Variants in SND1 observed in about 807,000 individuals in gnomAD.
SND1 encodes staphylococcal nuclease and tudor domain containing 1, also known as staphylococcal nuclease domain-containing protein 1.
SND1 carries 38 observed loss-of-function variants against 121.7 expected under a neutral mutation model. The ratio of observed to expected loss-of-function variants is 0.31; its 90% CI spans 0.24 to 0.41. SND1 has a LOEUF of 0.41. Ranked by LOEUF, SND1 falls within the 10% of genes least tolerant of loss-of-function variation. SND1 has a pLI of 1.00. For synonymous variants in SND1, 401 were observed against 447.4 expected, an observed-to-expected ratio of 0.90 and a Z score of 1.31; for missense variants, 868 against 1,184.6, an observed-to-expected ratio of 0.73 and a Z score of 3.92.
At chr7:127,680,591 G>A (rs186154656) in intron 1 of SND1, among the ~76,000 whole-genome samples, 12 of 151,864 alleles carry the variant, frequency 7.9e-5, no homozygotes, top group Admixed American at 5.3e-4. Flanking sequence ...GCTCTGTTCC[G>A]CCCGGCTCAC....
intron 12 of SND1, among the ~76,000 whole-genome samples, chr7:127,874,463 A>G (rs1799655055): frequency 1.3e-5 from 2 of 152,108 alleles, no homozygotes; most frequent in Admixed American, 1.3e-4. Flanking sequence ...ACAGTGGTGG[A>G]GTAGAGAAAA....
chr7:127,976,921 A>C (rs943056884), intron 15 of SND1, among the ~76,000 whole-genome samples: 1 of 152,260 alleles, frequency 6.6e-6, no homozygotes, highest in East Asian at 1.9e-4. Context: ...CCTCCCCTAC[A>C]TGGTGTCTTG....
At chr7:128,063,203 G>A (rs768163794) in intron 16 of SND1, among the ~76,000 whole-genome samples, 6 of 152,192 alleles carry the variant, frequency 3.9e-5, no homozygotes, top group Admixed American at 6.5e-5. Context: ...GGGTGGTGAG[G>A]AGGTGGTGGA....
chr7:127,878,145 C>T (rs889306424), intron 12 of SND1, among the ~76,000 whole-genome samples: 1 of 152,004 alleles, frequency 6.6e-6, no homozygotes, highest in Non-Finnish European at 1.5e-5. Flanking sequence ...GTTTTCTTTC[C>T]ACTTCCTCCT....
chr7:127,876,833 T>C (rs2116709516), intron 12 of SND1, among the ~76,000 whole-genome samples: 1 of 152,262 alleles, frequency 6.6e-6, no homozygotes, highest in South Asian at 2.1e-4. Flanking sequence ...TTGGGGACAT[T>C]ACCGCATGTT....
At chr7:127,854,443 C>G (rs1309219973) in intron 12 of SND1, among the ~76,000 whole-genome samples, 1 of 151,774 alleles carries the variant, frequency 6.6e-6, no homozygotes, top group East Asian at 1.9e-4. Context: ...TTATTCTTTT[C>G]CATATCTGTC....
intron 14 of SND1, among the ~76,000 whole-genome samples, chr7:127,922,067 T>TG (rs1393087500): frequency 6.6e-6 from 1 of 151,944 alleles, no homozygotes; most frequent in Non-Finnish European, 1.5e-5. Context: ...CACTGCTCAC[T>TG]GTAGCCTCGA....
intron 16 of SND1, chr7:128,030,931 A>G: frequency 3.1e-6 from 1 of 318,408 alleles, no homozygotes; most frequent in African/African-American, 2.1e-5. Context: ...GAAGGCAGGA[A>G]AGCACTGGCG....
intron 11 of SND1, among the ~76,000 whole-genome samples, chr7:127,813,506 G>A (rs1423819112): frequency 6.6e-6 from 1 of 152,128 alleles, no homozygotes; most frequent in Admixed American, 6.6e-5. Context: ...GACTATCAGG[G>A]TGTTGAGCTG....
intron 16 of SND1, among the ~76,000 whole-genome samples, chr7:128,043,583 T>G (rs941797311): frequency 1.3e-5 from 2 of 150,394 alleles, no homozygotes; most frequent in African/African-American, 4.9e-5. Flanking sequence ...AAAAATAAAT[T>G]TTTATATATA....
At chr7:127,781,999 A>G (rs775692738) in intron 10 of SND1, among the ~76,000 whole-genome samples, 5 of 152,192 alleles carry the variant, frequency 3.3e-5, no homozygotes, top group Non-Finnish European at 7.3e-5. Flanking sequence ...TATACAATTA[A>G]TCTGAGTGGT....
At chr7:128,058,560 G>T (rs1056519234) in intron 16 of SND1, among the ~76,000 whole-genome samples, 1 of 152,228 alleles carries the variant, frequency 6.6e-6, no homozygotes, top group Non-Finnish European at 1.5e-5. Flanking sequence ...AGGCAGGTAG[G>T]TGAAGGCAGG....
At chr7:127,675,804 T>C (rs1795605166) in intron 1 of SND1, among the ~76,000 whole-genome samples, 1 of 152,236 alleles carries the variant, frequency 6.6e-6, no homozygotes, top group Non-Finnish European at 1.5e-5. Flanking sequence ...TAGATTTCTC[T>C]TAAATGACAC....
chr7:127,724,196 A>G (rs1796544389), intron 10 of SND1, among the ~76,000 whole-genome samples: 1 of 152,260 alleles, frequency 6.6e-6, no homozygotes, highest in Admixed American at 6.5e-5. Context: ...GGGGAAATAC[A>G]CAAGTAATTT....
At chr7:127,766,649 C>T (rs947397988) in intron 10 of SND1, among the ~76,000 whole-genome samples, 10 of 151,442 alleles carry the variant, frequency 6.6e-5, no homozygotes, top group Non-Finnish European at 1.3e-4. Context: ...GTGGCGGGCA[C>T]CTGTAGTCCC....
intron 11 of SND1, among the ~76,000 whole-genome samples, chr7:127,833,539 ACAGGCATGAGC>A (rs2116627993): frequency 6.6e-6 from 1 of 152,290 alleles, no homozygotes; most frequent in South Asian, 2.1e-4. Context: ...TACTGGGATT[ACAGGCATGAGC>A]CACCACACCC....
chr7:128,060,718 T>C (rs1793216747), intron 16 of SND1, among the ~76,000 whole-genome samples: 1 of 152,154 alleles, frequency 6.6e-6, no homozygotes, highest in African/African-American at 2.4e-5. Flanking sequence ...CTCAAAGCTT[T>C]TTCCGAGGGC....
At chr7:128,076,523 A>G (rs1584775946) in intron 17 of SND1, among the ~76,000 whole-genome samples, 1 of 152,300 alleles carries the variant, frequency 6.6e-6, no homozygotes, top group Middle Eastern at 3.4e-3. Flanking sequence ...CAGGAGCAGC[A>G]CTAGCAGAGC....
In SND1 at chr7:128,085,991, G is replaced by A. The variant is rs989535442; in HGVS notation, c.2304+211G>A. On this transcript the variant is annotated intron_variant, in intron 20 of 23. Transcript: ENST00000354725. This position sits in a 1 kb window ranked among gnomAD's most constrained non-coding sequence, Gnocchi z 4.4. The stretch of plus-strand genomic sequence containing the variant: ...GTGGCTGCAAGCACTGATAGGTCCC[G>A]CATCCAGACCCCACGGATGAGTGTC... Among the ~76,000 whole-genome samples the A allele has an allele frequency of 6.6e-6, 1 of 152,152 alleles. No individual in the cohort carries two copies. Among genetic ancestry groups the A allele is most frequent in the East Asian group, 1.9e-4 (1 of 5,194 alleles).
Sources: allele counts gnomAD v4.1 joint callset (sites outside exome capture counted in the v4.1 genomes callset), GRCh38; gene constraint gnomAD v4.1.1; non-coding constraint Gnocchi (gnomAD v3.1); transcripts MANE v1.5; gene names NCBI Gene and HGNC (gene_info 2026-07-23, HGNC 2026-07-21).